PEX5: variants seen among roughly 807,000 people sequenced by gnomAD.
PEX5 encodes the protein PTS1 receptor.
A neutral mutation model predicts 82.9 loss-of-function variants in PEX5; 52 were observed. That is an observed-to-expected ratio of 0.63 (90% CI 0.50 to 0.79). The LOEUF (loss-of-function observed/expected upper bound fraction) is 0.79, where lower values mean the gene tolerates loss of function less well. PEX5 is among the 30% of genes least tolerant of loss of function. PEX5 has a pLI of 0.00. For synonymous variants in PEX5, 300 were observed against 318.8 expected, an observed-to-expected ratio of 0.94 and a Z score of 0.63; for missense variants, 719 against 815.2, an observed-to-expected ratio of 0.88 and a Z score of 1.44.
intron 6 of PEX5, among the ~76,000 whole-genome samples, chr12:7,199,837 ACCCCCACCTCCCT>A (rs1943449303): frequency 8.2e-6 from 1 of 121,788 alleles, no homozygotes; most frequent in African/African-American, 3.1e-5. Flanking sequence ...CGGGGGGCTG[ACCCCCACCTCCCT>A]CCCGGACGGG....
chr12:7,203,479 G>A lies in PEX5; in HGVS notation c.894G>A (p.Met298Ile), dbSNP rs1415017577. ...WDKLQAELEE[M>I]AKRDAEAHPW... The stretch of plus-strand genomic sequence containing the variant: ...AGTTGCAGGCAGAGTTGGAGGAGAT[G>A]GCAAAACGGGATGCTGAGGCCCACC... Residue 298 changes from methionine (M) to isoleucine (I), a missense_variant, in exon 10 of 16, where the codon ATG becomes ATA. By Grantham distance (10) the Met-to-Ile change is conservative. Transcript: ENST00000675855. The A allele has an allele frequency of 6.2e-7, 1 of 1,613,752 alleles. No individual in the cohort carries two copies. The highest frequency in any genetic ancestry group is 8.5e-7 in the Non-Finnish European group (1 of 1,179,908).
upstream of PEX5, chr12:7,189,661 GCCCCGCCCCCTGGCT>G (rs1291657773): frequency 8.6e-6 from 3 of 349,392 alleles, no homozygotes; most frequent in Non-Finnish European, 1.5e-5. Context: ...TTAAGCCTGA[GCCCCGCCCCCTGGCT>G]CCCCGCCCCC....
At chr12:7,196,294 TTATATGTCATATATAATTTAATTA>T (rs1565682585) in intron 5 of PEX5, among the ~76,000 whole-genome samples, 28 of 52,428 alleles carry the variant, frequency 5.3e-4, no homozygotes, top group South Asian at 1.5e-3. Flanking sequence ...TATAATTTAA[TTATATGTCATATATAATTTAATTA>T]TATATGTCAT....
chr12:7,210,293 C>G lies in PEX5; in HGVS notation c.*70C>G. 6.8e-7 allele frequency: 1 copy of G among 1,471,538 alleles called. No individual in the cohort carries two copies. Among genetic ancestry groups the G allele is most frequent in the South Asian group, 1.1e-5 (1 of 88,210 alleles). 91.2% of individuals were successfully genotyped at this position (1,471,538 alleles called of 1,614,324 possible). On this transcript the variant is annotated 3_prime_UTR_variant, in exon 16 of 16. Transcript: ENST00000675855. ...CGCTTTGGATGTGATTCCCTCTCCC[C>G]AAATGGGCCTACCAAGGGGGCGGGC...
rs140332077 is a variant in PEX5 at position 7,202,291 on chromosome 12, C to G, written c.693C>G (p.Ser231=). Residue 231 remains serine (S), a synonymous_variant, in exon 8 of 16, where the codon TCC becomes TCG. Transcript: ENST00000675855. ...GCGAAGGGCAGGTGTCCCTGGAGTC[C>G]GGTGCAGGGTCGGGCCGAGCTCAGG... ...QIGEGQVSLE[S]GAGSGRAQAE... 1 of 1,613,886 alleles carries G rather than the reference C, an allele frequency of 6.2e-7. No individual in the cohort carries two copies. Among genetic ancestry groups the G allele is most frequent in the African/African-American group, 1.3e-5 (1 of 74,864 alleles).
downstream of PEX5, among the ~76,000 whole-genome samples, chr12:7,212,545 C>T (rs1361817316): frequency 2.7e-5 from 4 of 147,070 alleles, no homozygotes; most frequent in African/African-American, 1.0e-4. Flanking sequence ...ATTGTCCAGA[C>T]AGTGAAATAT....
chr12:7,189,712 C>G lies in PEX5; in HGVS notation c.-55C>G, dbSNP rs886049822. The stretch of plus-strand genomic sequence containing the variant: ...TCTTCTCCCCTCCCCCAAGCCAGCA[C>G]CTGGTGCCCCGGCGGGTCGTGCGGC... On this transcript the variant is annotated 5_prime_UTR_variant, in exon 1 of 16. Coordinates refer to ENST00000675855, the MANE Select transcript of PEX5 (RefSeq NM_001351132.2). The G allele has an allele frequency of 1.6e-5, 6 of 379,316 alleles. No individual in the cohort carries two copies. Among genetic ancestry groups the G allele is most frequent in the East Asian group, 4.1e-5 (1 of 24,552 alleles). 23.5% of individuals were successfully genotyped at this position (379,316 alleles called of 1,614,324 possible).
intron 17 of PEX5, among the ~76,000 whole-genome samples, chr12:7,217,155 T>G (rs907187331): frequency 1.3e-5 from 2 of 152,210 alleles, no homozygotes; most frequent in African/African-American, 4.8e-5. Context: ...CAAATTAAGG[T>G]GGTGACAATT....
intron 2 of PEX5, 155 bp downstream of exon 2, chr12:7,190,679 T>C: frequency 6.7e-7 from 1 of 1,493,094 alleles, no homozygotes; most frequent in Non-Finnish European, 9.2e-7. Flanking sequence ...TGTTTGCACA[T>C]CTTGGTATAA....
At chr12:7,201,292 T>C (rs906737445) in intron 6 of PEX5, among the ~76,000 whole-genome samples, 4 of 104,666 alleles carry the variant, frequency 3.8e-5, no homozygotes, top group South Asian at 3.2e-4. Context: ...GACATACATG[T>C]ATACACACAT....
chr12:7,197,869 G>A (rs1943046529), intron 5 of PEX5, among the ~76,000 whole-genome samples: 2 of 152,182 alleles, frequency 1.3e-5, no homozygotes, highest in African/African-American at 4.8e-5. Flanking sequence ...AGAGAGTGGA[G>A]TTCCCCCTTG....
chr12:7,191,090 G>C (rs187021186), intron 3 of PEX5, 136 bp from the exon 4 acceptor site: 13 of 1,197,228 alleles, frequency 1.1e-5, no homozygotes, highest in Middle Eastern at 1.9e-4. Context: ...TGGAAAGACA[G>C]TTTCTCTTTA....
At chr12:7,217,753 C>T (rs1945818502) in intron 17 of PEX5, among the ~76,000 whole-genome samples, 1 of 152,226 alleles carries the variant, frequency 6.6e-6, no homozygotes, top group Non-Finnish European at 1.5e-5. Context: ...TTTGCAGCCT[C>T]CACCCATACA....
chr12:7,212,247 G>A (rs1219524047), downstream of PEX5, among the ~76,000 whole-genome samples: 8 of 151,712 alleles, frequency 5.3e-5, no homozygotes, highest in South Asian at 1.5e-3. Context: ...TTACAGACGT[G>A]AGCCACCGTG....
chr12:7,203,123 A>T (rs1944313694), intron 9 of PEX5, among the ~76,000 whole-genome samples: 2 of 151,938 alleles, frequency 1.3e-5, no homozygotes, highest in Non-Finnish European at 2.9e-5. Context: ...ACGCCATTGC[A>T]CTCTAGCCTG....
At chr12:7,215,121 T>TA (rs1158329524), downstream of PEX5, among the ~76,000 whole-genome samples, 1 of 152,116 alleles carries the variant, frequency 6.6e-6, no homozygotes, top group Non-Finnish European at 1.5e-5. Flanking sequence ...CTTTTCAAAA[T>TA]AAGACATTCA....
chr12:7,192,714 G>A (rs1008212843), intron 5 of PEX5, among the ~76,000 whole-genome samples: 3 of 151,862 alleles, frequency 2.0e-5, no homozygotes, highest in African/African-American at 7.3e-5. Context: ...ATGATTAAAG[G>A]GACTGAATTG....
At position 7,196,452 on chromosome 12, in the gene PEX5, ATG is replaced by A. The variant is rs1171276830; in HGVS notation, c.449-2555_449-2554del. On this transcript the variant is annotated intron_variant, in intron 5 of 15. Coordinates refer to ENST00000675855, the MANE Select transcript of PEX5 (RefSeq NM_001351132.2). ...ATGTGCCATATATAATGTAATAATTATGTGTCATATATAATGTAATAATTACA... is the reference window on the plus strand; with the variant it reads ...ATGTGCCATATATAATGTAATAATTATGTCATATATAATGTAATAATTACA... Among the ~76,000 whole-genome samples the A allele has an allele frequency of 3.2e-4, 43 of 135,966 alleles. 1 individual carries two copies. The highest frequency in any genetic ancestry group is 8.4e-4 in the African/African-American group (31 of 36,910). 89.2% of individuals were successfully genotyped at this position (135,966 alleles called of 152,430 possible).
chr12:7,201,672 G>A (rs1944063362), intron 6 of PEX5, 79 bp from the exon 7 acceptor site: 2 of 1,018,768 alleles, frequency 2.0e-6, no homozygotes, highest in Non-Finnish European at 3.1e-6. Context: ...AACTGTCATT[G>A]TCATGGGCTA....
Sources: allele counts gnomAD v4.1 joint callset (sites outside exome capture counted in the v4.1 genomes callset), GRCh38; gene constraint gnomAD v4.1.1; transcripts MANE v1.5; gene names NCBI Gene and HGNC (gene_info 2026-07-23, HGNC 2026-07-21).